AGAP1: variants seen among roughly 807,000 people sequenced by gnomAD.
AGAP1 encodes ArfGAP with GTPase domain, ankyrin repeat and PH domain 1, also known as arf-GAP with GTPase, ANK repeat and PH domain-containing protein 1.
AGAP1 carries 29 observed loss-of-function variants against 105.3 expected under a neutral mutation model. That is an observed-to-expected ratio of 0.28 (90% CI 0.21 to 0.38). The LOEUF is 0.38. Among genes scored for constraint, AGAP1 ranks in the 10% least tolerant of loss-of-function variants. The probability of loss-of-function intolerance (pLI) is 1.00; values close to 1 mark genes in which losing one functional copy is unlikely to be tolerated. For synonymous variants in AGAP1, 509 were observed against 485.9 expected, an observed-to-expected ratio of 1.05 and a Z score of -0.63; for missense variants, 998 against 1,165.1, an observed-to-expected ratio of 0.86 and a Z score of 2.09.
intron 13 of AGAP1, among the ~76,000 whole-genome samples, chr2:236,006,989 T>A (rs1449786614): frequency 6.6e-6 from 1 of 152,188 alleles, no homozygotes; most frequent in Non-Finnish European, 1.5e-5. Context: ...ATAATGACCT[T>A]GTTTACTCAT....
intron 3 of AGAP1, among the ~76,000 whole-genome samples, chr2:235,726,599 G>A (rs1440600368): frequency 6.6e-6 from 1 of 152,170 alleles, no homozygotes; most frequent in Non-Finnish European, 1.5e-5. Flanking sequence ...GTCTGCCCAT[G>A]TCTTTGGCCT....
chr2:235,980,521 G>A (rs1170310812), intron 13 of AGAP1, among the ~76,000 whole-genome samples: 2 of 152,118 alleles, frequency 1.3e-5, no homozygotes, highest in Admixed American at 6.6e-5. Flanking sequence ...ATATCTCACC[G>A]CATTTGCCGC....
chr2:236,116,541 G>A (rs922714075), intron 16 of AGAP1, among the ~76,000 whole-genome samples: 1 of 150,876 alleles, frequency 6.6e-6, no homozygotes, highest in African/African-American at 2.4e-5. Flanking sequence ...TAGAGACAGG[G>A]TTTCACCATG....
At chr2:235,643,379 C>T (rs1015817197) in intron 1 of AGAP1, among the ~76,000 whole-genome samples, 45 of 127,564 alleles carry the variant, frequency 3.5e-4, no homozygotes, top group African/African-American at 1.3e-3. Context: ...TGCAGTGAGC[C>T]GAGATTGTGC....
At chr2:235,795,532 T>G (rs1472075660) in intron 6 of AGAP1, among the ~76,000 whole-genome samples, 1 of 152,222 alleles carries the variant, frequency 6.6e-6, no homozygotes, top group African/African-American at 2.4e-5. Flanking sequence ...TCGTATGGGT[T>G]ACCCTGTAGT....
At position 235,675,261 on chromosome 2, in the gene AGAP1, C is replaced by T. The variant is rs186185369; in HGVS notation, c.164-33918C>T. Among the ~76,000 whole-genome samples the T allele has an allele frequency of 4.2e-3, 623 of 150,020 alleles. 4 individuals are homozygous for T. The highest frequency in any genetic ancestry group is 0.015 in the African/African-American group (593 of 40,728). ...CTGGAGTGCAGTGGCGCGATCTCAG[C>T]TCACTGCAACCTCTGCCTCCCGGGT... On this transcript the variant is annotated intron_variant, in intron 1 of 17. Transcript: ENST00000304032.
intron 1 of AGAP1, among the ~76,000 whole-genome samples, chr2:235,495,307 A>T (rs2148989429): frequency 6.6e-6 from 1 of 152,350 alleles, no homozygotes; most frequent in East Asian, 1.9e-4. Flanking sequence ...TGGGCGGTGC[A>T]GGGCTGCCCT....
intron 1 of AGAP1, among the ~76,000 whole-genome samples, chr2:235,561,524 A>C (rs1000171284): frequency 2.6e-5 from 4 of 152,164 alleles, no homozygotes; most frequent in Admixed American, 2.6e-4. Flanking sequence ...GGAGAAGGGG[A>C]GGGCTGAAGA....
At position 235,740,382 on chromosome 2, in the gene AGAP1, C is replaced by T. The variant is rs1450557425; in HGVS notation, c.311-581C>T. Among the ~76,000 whole-genome samples, 8 of 152,200 alleles carry T rather than the reference C, an allele frequency of 5.3e-5. No homozygotes were observed. The highest frequency in any genetic ancestry group is 1.2e-4 in the Non-Finnish European group (8 of 68,036). On this transcript the variant is annotated intron_variant, in intron 3 of 17. Transcript: ENST00000304032. The surrounding 1 kb of genome is among the most constrained non-coding windows in gnomAD (Gnocchi z 5.7). ...CAGCCGCTGCTCTGCTGTCTCCACC[C>T]GTGCGGAGGTCCCATCCAGTAGTTT...
chr2:235,717,487 C>T (rs769093303), intron 2 of AGAP1, 70 bp from the exon 3 acceptor site: 341 of 1,343,882 alleles, frequency 2.5e-4, no homozygotes, highest in Non-Finnish European at 3.1e-4. Context: ...CTATTTTAGC[C>T]TCTTAGTATT....
Position 235,875,376 on chromosome 2 carries a change from C to G in AGAP1, c.1051-7969C>G, listed in dbSNP as rs756755214. Among the ~76,000 whole-genome samples the G allele has an allele frequency of 6.6e-6, 1 of 152,210 alleles. No homozygotes were observed. Among genetic ancestry groups the G allele is most frequent in the Non-Finnish European group, 1.5e-5 (1 of 68,040 alleles). ...CCCACCGAGGTGCGAGTCTCACCAT[C>G]GTGCTGTCTGCTGAGAGATCTGATT... On this transcript the variant is annotated intron_variant, in intron 9 of 17. Coordinates refer to ENST00000304032, the MANE Select transcript of AGAP1 (RefSeq NM_001037131.3). The surrounding 1 kb of genome is among the most constrained non-coding windows in gnomAD (Gnocchi z 4.0).
In AGAP1 at chr2:236,101,807, G is replaced by A. The variant is rs2059353204; in HGVS notation, c.2115-18385G>A. 1.3e-5 allele frequency among the ~76,000 whole-genome samples: 2 copies of A among 152,164 alleles called. No homozygotes were observed. Among genetic ancestry groups the A allele is most frequent in the Admixed American group, 1.3e-4 (2 of 15,276 alleles). ...AGGACGGCCTCACCCCGCTGGCTCG[G>A]GCTCCCTCTCACTGGGTACACATTT... On this transcript the variant is annotated intron_variant, in intron 16 of 17. Coordinates refer to ENST00000304032, the MANE Select transcript of AGAP1 (RefSeq NM_001037131.3). The surrounding 1 kb of genome is among the most constrained non-coding windows in gnomAD (Gnocchi z 4.9).
rs562321547 is a variant in AGAP1 at position 235,642,248 on chromosome 2, A to T, written c.164-66931A>T. ...AATGGGATCTCTTTCCTGAGTGCGC[A>T]TTTCTTTCCTCACATTTGGGGGCAT... On this transcript the variant is annotated intron_variant, in intron 1 of 17. Transcript: ENST00000304032. This position sits in a 1 kb window ranked among gnomAD's most constrained non-coding sequence, Gnocchi z 4.1. Among the ~76,000 whole-genome samples, 3 of 151,912 alleles carry T rather than the reference A, an allele frequency of 2.0e-5. No homozygotes were observed. The highest frequency in any genetic ancestry group is 4.4e-5 in the Non-Finnish European group (3 of 68,006).
intron 1 of AGAP1, among the ~76,000 whole-genome samples, chr2:235,508,561 G>A (rs912711622): frequency 2.6e-5 from 4 of 152,086 alleles, no homozygotes; most frequent in African/African-American, 9.7e-5. Context: ...GCTGACTGAC[G>A]GTTTTGATTA....
chr2:235,718,459 G>T, intron 3 of AGAP1: 1 of 904,282 alleles, frequency 1.1e-6, no homozygotes, highest in African/African-American at 1.8e-5. Context: ...GCACCACTTT[G>T]TACTGTAGCG....
chr2:236,021,857 G>A (rs897882011), intron 13 of AGAP1, among the ~76,000 whole-genome samples: 4 of 151,938 alleles, frequency 2.6e-5, no homozygotes, highest in Admixed American at 1.3e-4. Context: ...TAAGGAGTTC[G>A]AGACCAGCCT....
chr2:235,540,981 AT>A (rs1027879632), intron 1 of AGAP1, among the ~76,000 whole-genome samples: 19 of 151,780 alleles, frequency 1.3e-4, no homozygotes, highest in East Asian at 1.9e-4. Context: ...TAGACTTACA[AT>A]TTTTTTTTAA....
At chr2:235,669,311 A>G (rs904566955) in intron 1 of AGAP1, among the ~76,000 whole-genome samples, 2 of 152,160 alleles carry the variant, frequency 1.3e-5, no homozygotes. Context: ...TCGAGGCTGC[A>G]TGGTTAGGAA....
At chr2:235,748,170 A>G (rs1953120527) in intron 5 of AGAP1, among the ~76,000 whole-genome samples, 1 of 152,246 alleles carries the variant, frequency 6.6e-6, no homozygotes. Flanking sequence ...TAGAACCGAA[A>G]TGCGAGTGCA....
Sources: allele counts gnomAD v4.1 joint callset (sites outside exome capture counted in the v4.1 genomes callset), GRCh38; gene constraint gnomAD v4.1.1; non-coding constraint Gnocchi (gnomAD v3.1); transcripts MANE v1.5; gene names NCBI Gene and HGNC (gene_info 2026-07-23, HGNC 2026-07-21).